TNIK: variants seen among roughly 807,000 people sequenced by gnomAD.
TNIK encodes TRAF2 and NCK-interacting protein kinase.
TNIK carries 49 observed loss-of-function variants against 191.3 expected under a neutral mutation model. That is an observed-to-expected ratio of 0.26 (90% CI 0.20 to 0.32). The LOEUF (loss-of-function observed/expected upper bound fraction) is 0.32, where lower values mean the gene tolerates loss of function less well. TNIK is among the 10% of genes least tolerant of loss of function. The probability of loss-of-function intolerance (pLI) is 1.00; values close to 1 mark genes in which losing one functional copy is unlikely to be tolerated. For missense variants in TNIK, 1,155 were observed against 1,702.3 expected, an observed-to-expected ratio of 0.68 and a Z score of 5.66; for synonymous variants, 594 against 600.9, an observed-to-expected ratio of 0.99 and a Z score of 0.17.
intron 24 of TNIK, among the ~76,000 whole-genome samples, chr3:171,085,699 T>C (rs1721261880): frequency 1.3e-5 from 2 of 152,224 alleles, no homozygotes. Flanking sequence ...TTTGAGCCCT[T>C]CTACTCTGGC....
chr3:171,327,900 TAAAAAAAAAAAAAAAAAAAA>T (rs71634497), intron 2 of TNIK, among the ~76,000 whole-genome samples: 1 of 79,622 alleles, frequency 1.3e-5, no homozygotes, highest in African/African-American at 4.1e-5. Flanking sequence ...ACCTGGCTCA[TAAAAAAAAAAAAAAAAAAAA>T]AAAAAAAAAA....
intron 2 of TNIK, among the ~76,000 whole-genome samples, chr3:171,240,338 CT>C (rs1744805774): frequency 6.6e-6 from 1 of 152,162 alleles, no homozygotes; most frequent in Non-Finnish European, 1.5e-5. Context: ...CGAGGAAAGG[CT>C]TTGAAAGAGG....
At chr3:171,425,639 A>T (rs781105234) in intron 1 of TNIK, among the ~76,000 whole-genome samples, 1 of 152,118 alleles carries the variant, frequency 6.6e-6, no homozygotes, top group Non-Finnish European at 1.5e-5. Flanking sequence ...CAGCCTGGCC[A>T]ACATGGTGAA....
chr3:171,145,180 G>A (rs553692064), intron 12 of TNIK, among the ~76,000 whole-genome samples: 58 of 151,074 alleles, frequency 3.8e-4, no homozygotes, highest in African/African-American at 1.2e-3. Flanking sequence ...TCCACCTCCC[G>A]GGTTCACGCC....
rs796755707 is a variant in TNIK, at chr3:171,359,124, TG to T, written c.123+10495del. ...AATGGCTAAGGGGGTAATTACTGTATGTACGTTCTACGATAAGAGAAAGAGG... is the reference window on the plus strand; with the variant it reads ...AATGGCTAAGGGGGTAATTACTGTATTACGTTCTACGATAAGAGAAAGAGG... On this transcript the variant is annotated intron_variant, in intron 2 of 32. Coordinates refer to ENST00000436636, the MANE Select transcript of TNIK (RefSeq NM_015028.4). Among the ~76,000 whole-genome samples the T allele has an allele frequency of 5.6e-4, 85 of 152,322 alleles. 1 individual carries two copies. Among genetic ancestry groups the T allele is most frequent in the African/African-American group, 1.9e-3 (81 of 41,584 alleles).
chr3:171,167,799 C>T (rs915172192), intron 9 of TNIK, among the ~76,000 whole-genome samples: 1 of 152,182 alleles, frequency 6.6e-6, no homozygotes, highest in African/African-American at 2.4e-5. Flanking sequence ...GGATAGGTAA[C>T]AGGGAGTGCA....
intron 30 of TNIK, 44 bp from the exon 31 acceptor site, chr3:171,066,779 A>G: frequency 6.3e-7 from 1 of 1,580,434 alleles, no homozygotes; most frequent in Non-Finnish European, 8.6e-7. Context: ...TTAAAAAATA[A>G]AACACCTTGA....
intron 4 of TNIK, among the ~76,000 whole-genome samples, chr3:171,203,865 A>G (rs1739725295): frequency 6.6e-6 from 1 of 152,208 alleles, no homozygotes; most frequent in Non-Finnish European, 1.5e-5. Context: ...TGAAAACTTG[A>G]TGAATAGATT....
At chr3:171,311,531 A>G (rs1754015239) in intron 2 of TNIK, among the ~76,000 whole-genome samples, 2 of 152,192 alleles carry the variant, frequency 1.3e-5, no homozygotes, top group Admixed American at 1.3e-4. Flanking sequence ...GACACAAAAG[A>G]GGGAAGAAAA....
At position 171,366,179 on chromosome 3, in the gene TNIK, A is replaced by G. The variant is rs1715704099; in HGVS notation, c.123+3441T>C. Reference sequence around the variant, plus strand: ...TGTTGGTTTATTTTTTAATGCAGCCATGAACAGAAGGAGATGGTTTCCTCA... The same window carrying G: ...TGTTGGTTTATTTTTTAATGCAGCCGTGAACAGAAGGAGATGGTTTCCTCA... On this transcript the variant is annotated intron_variant, in intron 2 of 32. Coordinates refer to ENST00000436636, the MANE Select transcript of TNIK (RefSeq NM_015028.4). The surrounding 1 kb of genome is among the most constrained non-coding windows in gnomAD (Gnocchi z 4.1). 6.6e-6 allele frequency among the ~76,000 whole-genome samples: 1 copy of G among 152,216 alleles called. No homozygotes were observed. Among genetic ancestry groups the G allele is most frequent in the Non-Finnish European group, 1.5e-5 (1 of 68,022 alleles).
At chr3:171,363,056 C>T (rs1333950794) in intron 2 of TNIK, among the ~76,000 whole-genome samples, 1 of 152,122 alleles carries the variant, frequency 6.6e-6, no homozygotes, top group African/African-American at 2.4e-5. Flanking sequence ...TGGTTTTACC[C>T]CCACAGAAGA....
chr3:171,425,225 GC>G (rs1724398733), intron 1 of TNIK, among the ~76,000 whole-genome samples: 1 of 152,158 alleles, frequency 6.6e-6, no homozygotes, highest in South Asian at 2.1e-4. Flanking sequence ...TAAGCCAGCT[GC>G]CAAATACTGA....
chr3:171,181,502 A>G (rs906230340), intron 7 of TNIK, among the ~76,000 whole-genome samples: 3 of 152,180 alleles, frequency 2.0e-5, no homozygotes, highest in African/African-American at 7.2e-5. Flanking sequence ...ACACTTGCCT[A>G]TCCTGACTCC....
intron 12 of TNIK, among the ~76,000 whole-genome samples, chr3:171,155,006 G>A (rs919263219): frequency 1.3e-5 from 2 of 152,106 alleles, no homozygotes; most frequent in Admixed American, 6.6e-5. Flanking sequence ...GGACATGCAG[G>A]GCTTCCTTAG....
chr3:171,287,597 G>A (rs1371677815), intron 2 of TNIK, among the ~76,000 whole-genome samples: 1 of 152,168 alleles, frequency 6.6e-6, no homozygotes, highest in Admixed American at 6.5e-5. Context: ...ATTTTACAGT[G>A]ATATGGCTTT....
At chr3:171,394,095 A>T (rs1719916437) in intron 1 of TNIK, among the ~76,000 whole-genome samples, 1 of 152,134 alleles carries the variant, frequency 6.6e-6, no homozygotes, top group African/African-American at 2.4e-5. Context: ...TCCTCTTTCA[A>T]ATGCATCCTC....
intron 2 of TNIK, among the ~76,000 whole-genome samples, chr3:171,331,114 T>C (rs1261835854): frequency 2.6e-5 from 4 of 152,212 alleles, no homozygotes; most frequent in Non-Finnish European, 5.9e-5. Flanking sequence ...TTCTGATCCC[T>C]TGCTGGGTGG....
chr3:171,169,553 C>G (rs1735036431), intron 9 of TNIK, among the ~76,000 whole-genome samples: 1 of 152,216 alleles, frequency 6.6e-6, no homozygotes, highest in Admixed American at 6.5e-5. Flanking sequence ...CAGGCATGGG[C>G]CACCGCACCT....
At chr3:171,197,796 C>T (rs1020638105) in intron 4 of TNIK, among the ~76,000 whole-genome samples, 1 of 152,176 alleles carries the variant, frequency 6.6e-6, no homozygotes, top group Admixed American at 6.5e-5. Flanking sequence ...GAAACTGGAA[C>T]CTCTATACAT....
Sources: gnomAD v4.1 joint callset for allele counts (sites outside exome capture counted in the v4.1 genomes callset) on GRCh38, gnomAD v4.1.1 for gene constraint, Gnocchi (gnomAD v3.1) non-coding constraint, MANE v1.5 for transcripts, NCBI Gene and HGNC (gene_info 2026-07-23, HGNC 2026-07-21) for gene names.